Variants in MAGI3 observed in about 807,000 individuals in gnomAD.
MAGI3 encodes membrane associated guanylate kinase, WW and PDZ domain containing 3, also known as membrane-associated guanylate kinase, WW and PDZ domain-containing protein 3.
MAGI3 carries 43 observed loss-of-function variants against 121.8 expected under a neutral mutation model. That is an observed-to-expected ratio of 0.35 (90% CI 0.28 to 0.46). The LOEUF (loss-of-function observed/expected upper bound fraction) is 0.46, where lower values mean the gene tolerates loss of function less well. Ranked by LOEUF, MAGI3 falls within the 20% of genes least tolerant of loss-of-function variation. The pLI is 1.00. For synonymous variants in MAGI3, 553 were observed against 639.3 expected (o/e 0.86, Z 2.04); for missense variants, 1,547 against 1,797.3 (o/e 0.86, Z 2.52).
chr1:113,638,231 G>A (rs886870014), intron 9 of MAGI3, among the ~76,000 whole-genome samples: 32 of 152,182 alleles, frequency 2.1e-4, no homozygotes, highest in Non-Finnish European at 1.5e-4. Context: ...CTCTCAACTC[G>A]TCAAAGTCAT....
intron 16 of MAGI3, 125 bp from the exon 17 acceptor site, chr1:113,671,609 C>T (rs1647554328): frequency 1.3e-6 from 1 of 786,742 alleles, no homozygotes; most frequent in South Asian, 1.8e-5. Flanking sequence ...TAGTGCTGTT[C>T]ATGCTAAAGC....
intron 13 of MAGI3, among the ~76,000 whole-genome samples, chr1:113,650,553 CTGTGTATAT>C (rs1389644702): frequency 1.3e-5 from 2 of 152,182 alleles, no homozygotes; most frequent in African/African-American, 2.4e-5. Context: ...TGTCTCTGTG[CTGTGTATAT>C]TGAACTTGTA....
At chr1:113,539,699 T>G (rs1189183125) in intron 1 of MAGI3, among the ~76,000 whole-genome samples, 1 of 152,158 alleles carries the variant, frequency 6.6e-6, no homozygotes, top group Admixed American at 6.5e-5. Context: ...TTAATTTGGA[T>G]TCATACCAAA....
At chr1:113,527,484 T>C (rs572258780) in intron 1 of MAGI3, among the ~76,000 whole-genome samples, 1 of 152,340 alleles carries the variant, frequency 6.6e-6, no homozygotes, top group East Asian at 1.9e-4. Flanking sequence ...GTGTTATCTT[T>C]AAGAATTTAT....
chr1:113,642,400 A>G lies in MAGI3; in HGVS notation c.1850A>G (p.Asp617Gly), dbSNP rs1292457825. 6.2e-7 allele frequency: 1 copy of G among 1,614,190 alleles called. No individual in the cohort carries two copies. The highest frequency in any genetic ancestry group is 8.5e-7 in the Non-Finnish European group (1 of 1,180,024). Residue 617 changes from aspartate to glycine, a missense_variant, in exon 10 of 21, where the codon GAT (aspartate) becomes GGT (glycine). Coordinates refer to ENST00000307546, the MANE Select transcript of MAGI3 (RefSeq NM_001142782.2). ...TGGTGTCAAGGCCTTCAGAAAGGAG[A>G]TATAATTAAGGAAATATACCATCAA... ...SQWCQGLQKG[D>G]IIKEIYHQNV...
chr1:113,434,399 A>G (rs1653457690), intron 1 of MAGI3, among the ~76,000 whole-genome samples: 1 of 152,030 alleles, frequency 6.6e-6, no homozygotes, highest in South Asian at 2.1e-4. Context: ...GCGAGACCTT[A>G]TTTCCACCAC....
At chr1:113,505,515 T>TAAATAAATAAAA (rs1657278937) in intron 1 of MAGI3, among the ~76,000 whole-genome samples, 4 of 138,526 alleles carry the variant, frequency 2.9e-5, no homozygotes, top group African/African-American at 1.1e-4. Flanking sequence ...CCCTACATAA[T>TAAATAAATAAAA]AAATAAATAA....
intron 16 of MAGI3, among the ~76,000 whole-genome samples, chr1:113,665,384 AT>A (rs1444679724): frequency 1.3e-5 from 2 of 151,532 alleles, no homozygotes; most frequent in Non-Finnish European, 2.9e-5. Context: ...TGTATTTTTT[AT>A]TTTTTTATCT....
chr1:113,393,382 T>C (rs1282186914), intron 1 of MAGI3, among the ~76,000 whole-genome samples: 1 of 152,166 alleles, frequency 6.6e-6, no homozygotes, highest in Non-Finnish European at 1.5e-5. Flanking sequence ...ACTACACTTG[T>C]TTTTTGAAGA....
Position 113,585,268 on chromosome 1 carries a change from C to T in MAGI3, c.554-119C>T, listed in dbSNP as rs1049105158. ...CAAGTGTGAGCCACCATGCCCACCC[C>T]TATGGTAGATATTTCAAAACTTCTT... On this transcript the variant is annotated intron_variant, in intron 3 of 20. Coordinates refer to ENST00000307546, the MANE Select transcript of MAGI3 (RefSeq NM_001142782.2). The T allele has an allele frequency of 6.8e-6, 6 of 884,062 alleles. No homozygotes were observed. In the African/African-American group the frequency reaches 1.0e-4, roughly 15 times the overall value. The allele number at this position is 884,062 out of a possible 1,614,324, so 54.8% of individuals were successfully genotyped here.
At position 113,449,761 on chromosome 1, in the gene MAGI3, G is replaced by T. The variant is rs1441302071; in HGVS notation, c.316+58412G>T. 3 of 1,028,404 alleles carry T rather than the reference G, an allele frequency of 2.9e-6. No homozygotes were observed. The Admixed American group carries it at 5.1e-5, about 17-fold the overall frequency. The allele number at this position is 1,028,404 out of a possible 1,614,324, so 63.7% of individuals were successfully genotyped here. On this transcript the variant is annotated intron_variant, in intron 1 of 20. Transcript: ENST00000307546. The stretch of plus-strand genomic sequence containing the variant: ...AGAAAACTGTTTATTGGTGGTCTGA[G>T]CTTTGAAACTACAGATGATAGTTTA...
chr1:113,671,216 G>T (rs1647532453), intron 16 of MAGI3, among the ~76,000 whole-genome samples: 1 of 152,116 alleles, frequency 6.6e-6, no homozygotes, highest in Admixed American at 6.5e-5. Flanking sequence ...TAGCACTCAG[G>T]ATTCTATAAG....
chr1:113,622,630 G>GT (rs1412380430), intron 8 of MAGI3, among the ~76,000 whole-genome samples, 176 bp from the exon 9 acceptor site: 1 of 152,084 alleles, frequency 6.6e-6, no homozygotes, highest in African/African-American at 2.4e-5. Flanking sequence ...AGTGCTAAAG[G>GT]TTGTATCATT....
chr1:113,619,957 T>C, intron 8 of MAGI3, 127 bp downstream of exon 8: 1 of 590,568 alleles, frequency 1.7e-6, no homozygotes, highest in South Asian at 2.3e-5. Context: ...GTTGTTACTG[T>C]AAAGATATGA....
chr1:113,674,069 G>C (rs1330385761), intron 19 of MAGI3, among the ~76,000 whole-genome samples: 3 of 152,152 alleles, frequency 2.0e-5, no homozygotes, highest in Admixed American at 2.0e-4. Flanking sequence ...CTTCTTCTCT[G>C]GATGTTAATT....
chr1:113,437,836 CT>C (rs1653663423), intron 1 of MAGI3, among the ~76,000 whole-genome samples: 13 of 30,012 alleles, frequency 4.3e-4, no homozygotes, highest in South Asian at 1.7e-3. Context: ...TCTTCTTCTT[CT>C]TCTTCTTCTT....
rs555199309 is a variant in MAGI3 at position 113,610,590 on chromosome 1, T to TC, written c.1019-4005dup. Among the ~76,000 whole-genome samples the TC allele has an allele frequency of 5.3e-3, 802 of 152,146 alleles. 2 individuals are homozygous for TC. The highest frequency in any genetic ancestry group is 8.7e-3 in the South Asian group (42 of 4,824). ...CTTCCTGCCTTCAACAGATATGACA[T>TC]CCCCCCAGCTGCTTGAGCCAAAAAC... On this transcript the variant is annotated intron_variant, in intron 6 of 20. Transcript: ENST00000307546.
At chr1:113,648,067 C>G (rs866411072) in intron 12 of MAGI3, among the ~76,000 whole-genome samples, 1 of 151,956 alleles carries the variant, frequency 6.6e-6, no homozygotes, top group Non-Finnish European at 1.5e-5. Context: ...GCACTACAGG[C>G]GTATGCCACC....
At chr1:113,654,481 G>A (rs1172638386) in intron 15 of MAGI3, among the ~76,000 whole-genome samples, 3 of 152,240 alleles carry the variant, frequency 2.0e-5, no homozygotes, top group East Asian at 1.9e-4. Flanking sequence ...AATAATAATT[G>A]CCATAGTCCA....
Sources: allele counts gnomAD v4.1 joint callset (sites outside exome capture counted in the v4.1 genomes callset), GRCh38; gene constraint gnomAD v4.1.1; transcripts MANE v1.5; gene names NCBI Gene and HGNC (gene_info 2026-07-23, HGNC 2026-07-21).